The following SLC24A1 variants were observed in gnomAD, a reference collection of about 807,000 sequenced individuals.
SLC24A1 encodes solute carrier family 24 member 1.
SLC24A1 carries 52 observed loss-of-function variants against 88.1 expected under a neutral mutation model. The ratio of observed to expected loss-of-function variants is 0.59; its 90% CI spans 0.47 to 0.74. The LOEUF (loss-of-function observed/expected upper bound fraction) is 0.74. Ranked by LOEUF, SLC24A1 falls within the 30% of genes least tolerant of loss-of-function variation. The pLI is 0.00. For missense variants in SLC24A1, 1,173 were observed against 1,363.3 expected, an observed-to-expected ratio of 0.86 and a Z score of 2.20; for synonymous variants, 455 against 498.0, an observed-to-expected ratio of 0.91 and a Z score of 1.15.
Position 65,650,909 on chromosome 15 carries a change from A to T in SLC24A1, c.2760A>T (p.Pro920=). Residue 920 remains proline, a synonymous_variant, in exon 7 of 10, where the codon CCA becomes CCT. Transcript: ENST00000261892. This position sits in a 1 kb window ranked among gnomAD's most constrained non-coding sequence, Gnocchi z 4.1. Reference sequence around the variant, plus strand: ...TCTTCCTTCTGCCCATCGTGTTCCCACTGTGGCTGACAGTCCCCGACGTCC... The same window carrying T: ...TCTTCCTTCTGCCCATCGTGTTCCCTCTGTGGCTGACAGTCCCCGACGTCC... The part of the protein sequence containing the change: ...IYLFLLPIVF[P]LWLTVPDVRR... The T allele has an allele frequency of 6.2e-7, 1 of 1,613,970 alleles. No individual in the cohort carries two copies. The highest frequency in any genetic ancestry group is 2.2e-5 in the East Asian group (1 of 44,870).
At chr15:65,642,868 C>G (rs976231807) in intron 4 of SLC24A1, 2 of 524,596 alleles carry the variant, frequency 3.8e-6, no homozygotes, top group African/African-American at 3.9e-5. Flanking sequence ...CTTTGATCCA[C>G]CCAGCTTCCC....
chr15:65,648,497 T>C (rs2075385321), intron 6 of SLC24A1, among the ~76,000 whole-genome samples: 1 of 151,810 alleles, frequency 6.6e-6, no homozygotes, highest in Admixed American at 6.6e-5. Context: ...CTTTTTTTTT[T>C]TTGAGACTGA....
In SLC24A1 at chr15:65,650,530, G is replaced by A. The variant is rs2075460427; in HGVS notation, c.2381G>A (p.Cys794Tyr). The stretch of plus-strand genomic sequence containing the variant: ...GAAACACAAGGAAAAGGAGAAGAAT[G>A]TGAAGATGAAAATGAAGCAGAAGGA... ...ETETQGKGEE[C>Y]EDENEAEGKG... Residue 794 changes from cysteine to tyrosine, a missense_variant, in exon 7 of 10, where the codon TGT becomes TAT. Coordinates refer to ENST00000261892, the MANE Select transcript of SLC24A1 (RefSeq NM_004727.3). The surrounding 1 kb of genome is among the most constrained non-coding windows in gnomAD (Gnocchi z 4.1). 3 of 1,551,746 alleles carry A rather than the reference G, an allele frequency of 1.9e-6. No individual in the cohort carries two copies. The highest frequency in any genetic ancestry group is 2.6e-6 in the Non-Finnish European group (3 of 1,147,034).
intron 2 of SLC24A1, among the ~76,000 whole-genome samples, chr15:65,629,703 A>G (rs1173519111): frequency 6.6e-6 from 1 of 152,226 alleles, no homozygotes; most frequent in Non-Finnish European, 1.5e-5. Flanking sequence ...GAAAAGCATT[A>G]TTGGTATTTG....
downstream of SLC24A1, chr15:65,660,398 AAGTGT>A: frequency 5.3e-6 from 6 of 1,134,192 alleles, no homozygotes; most frequent in Non-Finnish European, 5.1e-6. Flanking sequence ...CCTCCAGTCC[AAGTGT>A]CGTGGACTCT....
intron 9 of SLC24A1, 67 bp downstream of exon 9, chr15:65,652,875 C>G: frequency 7.7e-7 from 1 of 1,294,366 alleles, no homozygotes; most frequent in Non-Finnish European, 1.1e-6. Context: ...TGGCTCTGTT[C>G]ACTGGTTTTC....
chr15:65,616,430 A>G lies in SLC24A1; in HGVS notation c.-227-2450A>G, dbSNP rs79952634. On this transcript the variant is annotated intron_variant, in intron 2 of 11. Transcript: ENST00000537259. ...TTTAATGATCGCCATTCTAACTGGC[A>G]TGAGATGGTATCTCATTGTGGTTTT... 5.5e-3 allele frequency among the ~76,000 whole-genome samples: 835 copies of G among 152,278 alleles called. 5 individuals are homozygous for G. The highest frequency in any genetic ancestry group is 0.019 in the African/African-American group (778 of 41,566).
rs200765659 is a variant in SLC24A1, at chr15:65,624,274, G to A, written c.194G>A (p.Arg65Gln). The A allele has an allele frequency of 1.1e-5, 18 of 1,613,638 alleles. No homozygotes were observed. The highest frequency in any genetic ancestry group is 8.8e-5 in the South Asian group (8 of 91,062). Residue 65 changes from arginine to glutamine, a missense_variant, in exon 2 of 10, where the codon CGG (arginine) becomes CAG (glutamine). By Grantham distance (43) the Arg-to-Gln change is conservative (BLOSUM62 1). Coordinates refer to ENST00000261892, the MANE Select transcript of SLC24A1 (RefSeq NM_004727.3). ...SSHQPIKLASRDLSSEEMMMM... is the reference protein window; with the variant it reads ...SSHQPIKLASQDLSSEEMMMM... ...CATCAGCCTATAAAACTGGCCAGTCGGGACCTCTCCAGTGAAGAGATGATG... is the reference window on the plus strand; with the variant it reads ...CATCAGCCTATAAAACTGGCCAGTCAGGACCTCTCCAGTGAAGAGATGATG...
At chr15:65,646,271 G>A (rs1033306034) in intron 6 of SLC24A1, among the ~76,000 whole-genome samples, 16 of 151,982 alleles carry the variant, frequency 1.1e-4, no homozygotes, top group Non-Finnish European at 1.9e-4. Flanking sequence ...TAGAGACGGG[G>A]TTTCAACATG....
At chr15:65,647,200 G>A (rs2075328761) in intron 6 of SLC24A1, among the ~76,000 whole-genome samples, 1 of 152,118 alleles carries the variant, frequency 6.6e-6, no homozygotes, top group Non-Finnish European at 1.5e-5. Context: ...GAATCGGGCC[G>A]GGTGTTGTGG....
In SLC24A1 at chr15:65,650,100, G is replaced by T. The variant is rs1041156958; in HGVS notation, c.2233-282G>T. Among the ~76,000 whole-genome samples, 2 of 152,182 alleles carry T rather than the reference G, an allele frequency of 1.3e-5. No homozygotes were observed. The highest frequency in any genetic ancestry group is 2.9e-5 in the Non-Finnish European group (2 of 68,024). On this transcript the variant is annotated intron_variant, in intron 6 of 9. Coordinates refer to ENST00000261892, the MANE Select transcript of SLC24A1 (RefSeq NM_004727.3). This position sits in a 1 kb window ranked among gnomAD's most constrained non-coding sequence, Gnocchi z 4.1. Reference sequence around the variant, plus strand: ...AACCTATACATGGGGGTAGAACTTTGATATAAATATGGACTTCAGATGAAT... The same window carrying T: ...AACCTATACATGGGGGTAGAACTTTTATATAAATATGGACTTCAGATGAAT...
rs371274296 is a variant in SLC24A1 at position 65,626,554 on chromosome 15, A to G, written c.1890+584A>G. ...TTCTGAAAATATTAGAGAAGATGGG[A>G]GCTCTACTCACCCACTGACAAGCTA... On this transcript the variant is annotated intron_variant, in intron 2 of 9. Coordinates refer to ENST00000261892, the MANE Select transcript of SLC24A1 (RefSeq NM_004727.3). 4.6e-5 allele frequency among the ~76,000 whole-genome samples: 7 copies of G among 151,984 alleles called. No homozygotes were observed. The East Asian group carries it at 5.8e-4, about 13-fold the overall frequency.
intron 2 of SLC24A1, among the ~76,000 whole-genome samples, chr15:65,631,073 A>G (rs2074708250): frequency 6.6e-6 from 1 of 152,188 alleles, no homozygotes. Context: ...ATGAGAAATA[A>G]ACAAATATTA....
chr15:65,621,690 A>G (rs2074322953), upstream of SLC24A1, among the ~76,000 whole-genome samples: 1 of 152,078 alleles, frequency 6.6e-6, no homozygotes, highest in Admixed American at 6.6e-5. Flanking sequence ...ACTTTCCACC[A>G]TCTAAGCATG....
At chr15:65,637,102 G>A (rs998035913) in intron 2 of SLC24A1, among the ~76,000 whole-genome samples, 1 of 151,956 alleles carries the variant, frequency 6.6e-6, no homozygotes, top group African/African-American at 2.4e-5. Context: ...GTTAAACAGT[G>A]CTTTTTTTAA....
At chr15:65,644,200 C>T (rs2075227688) in intron 4 of SLC24A1, 1 of 550,628 alleles carries the variant, frequency 1.8e-6, no homozygotes, top group South Asian at 2.0e-5. Context: ...ACCCTAAGGT[C>T]ACAGCCAGTC....
chr15:65,611,585 C>T (rs529914269), exon 1 of SLC24A1: 54 of 226,316 alleles, frequency 2.4e-4, no homozygotes, highest in African/African-American at 1.2e-3. Context: ...ACTCTTTAGC[C>T]CCCTCTCTCG....
At chr15:65,631,671 C>T (rs1461156224) in intron 2 of SLC24A1, among the ~76,000 whole-genome samples, 1 of 152,068 alleles carries the variant, frequency 6.6e-6, no homozygotes, top group Non-Finnish European at 1.5e-5. Context: ...GAGAGGGGTA[C>T]AGAATACCAC....
At chr15:65,618,310 A>G (rs1333939208), upstream of SLC24A1, among the ~76,000 whole-genome samples, 2 of 152,180 alleles carry the variant, frequency 1.3e-5, no homozygotes, top group Non-Finnish European at 2.9e-5. Context: ...AATGTTATAT[A>G]TACTGTTCTG....
Sources: gnomAD v4.1 joint callset for allele counts (sites outside exome capture counted in the v4.1 genomes callset) on GRCh38, gnomAD v4.1.1 for gene constraint, Gnocchi (gnomAD v3.1) non-coding constraint, MANE v1.5 for transcripts, NCBI Gene and HGNC (gene_info 2026-07-23, HGNC 2026-07-21) for gene names.